CSMD1: variants seen among roughly 807,000 people sequenced by gnomAD.
CSMD1 encodes CUB and sushi domain-containing protein 1.
CSMD1 carries 213 observed loss-of-function variants against 417.5 expected under a neutral mutation model. The observed-to-expected ratio is 0.51, with a 90% CI of 0.46 to 0.57. The LOEUF is 0.57. Ranked by LOEUF, CSMD1 falls within the 20% of genes least tolerant of loss-of-function variation. CSMD1 has a pLI of 0.00. For synonymous variants in CSMD1, 2,862 were observed against 1,736.8 expected (o/e 1.65, Z -16.11); for missense variants, 6,923 against 4,529.7 (o/e 1.53, Z -15.17).
At chr8:3,325,522 T>C (rs1806468238) in intron 23 of CSMD1, among the ~76,000 whole-genome samples, 1 of 152,176 alleles carries the variant, frequency 6.6e-6, no homozygotes, top group Non-Finnish European at 1.5e-5. Flanking sequence ...TTCCACTTGA[T>C]GAAAGTAAAT....
At chr8:4,529,763 G>T (rs1323313887) in intron 2 of CSMD1, among the ~76,000 whole-genome samples, 2 of 151,840 alleles carry the variant, frequency 1.3e-5, no homozygotes, top group Non-Finnish European at 2.9e-5. Context: ...GGTCCTGACA[G>T]CAAAAGTTTC....
intron 5 of CSMD1, among the ~76,000 whole-genome samples, chr8:3,963,914 C>G (rs1812501063): frequency 6.6e-6 from 1 of 152,048 alleles, no homozygotes; most frequent in Non-Finnish European, 1.5e-5. Flanking sequence ...TCATTGTATC[C>G]CAAATTTCCT....
At chr8:4,507,460 G>C (rs1052078944) in intron 2 of CSMD1, among the ~76,000 whole-genome samples, 1 of 152,046 alleles carries the variant, frequency 6.6e-6, no homozygotes, top group Admixed American at 6.6e-5. Flanking sequence ...CCTTATCTCT[G>C]GCTATTGATT....
chr8:4,353,575 A>C (rs1379226148), intron 3 of CSMD1, among the ~76,000 whole-genome samples: 1 of 152,066 alleles, frequency 6.6e-6, no homozygotes, highest in Non-Finnish European at 1.5e-5. Context: ...AATAAAGCCC[A>C]AAGTAGCATA....
In CSMD1 at chr8:3,739,543, G is replaced by GA. The variant is rs375620752; in HGVS notation, c.931+14386dup. On this transcript the variant is annotated intron_variant, in intron 6 of 69. Coordinates refer to ENST00000635120, the MANE Select transcript of CSMD1 (RefSeq NM_033225.6). ...TATGTATAATTATTACACGTCAATT[G>GA]AAAAAAAGGGAAAACTGATTAAATC... 3.9e-3 allele frequency among the ~76,000 whole-genome samples: 596 copies of GA among 151,886 alleles called. 5 individuals are homozygous for GA. The highest frequency in any genetic ancestry group is 0.014 in the African/African-American group (570 of 41,438).
Position 3,027,725 on chromosome 8 carries a change from G to A in CSMD1, c.7855+1594C>T, listed in dbSNP as rs920942762. ...TGTGTGGGGGTTGTGACTGGACCCC[G>A]CTCCGTGTCAGAAACACCAGAATAC... On this transcript the variant is annotated intron_variant, in intron 51 of 69. Coordinates refer to ENST00000635120, the MANE Select transcript of CSMD1 (RefSeq NM_033225.6). 2.0e-5 allele frequency among the ~76,000 whole-genome samples: 3 copies of A among 152,254 alleles called. No homozygotes were observed. In the South Asian group the frequency reaches 6.2e-4, roughly 32 times the overall value.
intron 39 of CSMD1, among the ~76,000 whole-genome samples, chr8:3,156,680 G>C (rs900636524): frequency 6.6e-6 from 1 of 151,976 alleles, no homozygotes; most frequent in Non-Finnish European, 1.5e-5. Flanking sequence ...TAAAAAGAAA[G>C]GCAGAAAATC....
intron 2 of CSMD1, among the ~76,000 whole-genome samples, chr8:4,534,993 C>G (rs1425626424): frequency 1.3e-5 from 2 of 152,032 alleles, no homozygotes; most frequent in Non-Finnish European, 1.5e-5. Context: ...GATTTCCTGA[C>G]CTCGTGATCT....
intron 5 of CSMD1, among the ~76,000 whole-genome samples, chr8:3,817,128 T>A (rs1801416000): frequency 1.3e-5 from 2 of 151,958 alleles, no homozygotes; most frequent in Non-Finnish European, 2.9e-5. Flanking sequence ...AGAGAGCTCT[T>A]CATGATGAAG....
intron 6 of CSMD1, among the ~76,000 whole-genome samples, chr8:3,718,134 G>A (rs967196510): frequency 5.3e-5 from 8 of 152,054 alleles, no homozygotes; most frequent in Admixed American, 6.5e-5. Flanking sequence ...ATCATTCTTT[G>A]GGATAAATCT....
At chr8:4,807,237 C>T (rs1212010435) in intron 1 of CSMD1, among the ~76,000 whole-genome samples, 1 of 152,176 alleles carries the variant, frequency 6.6e-6, no homozygotes, top group African/African-American at 2.4e-5. Context: ...GGTTCGGCAG[C>T]TTCTCCCACA....
chr8:3,411,912 A>G (rs1812772061), intron 12 of CSMD1, among the ~76,000 whole-genome samples: 1 of 136,450 alleles, frequency 7.3e-6, no homozygotes, highest in Non-Finnish European at 1.6e-5. Flanking sequence ...ATATACACGT[A>G]TATATGCACG....
intron 5 of CSMD1, among the ~76,000 whole-genome samples, chr8:3,761,720 G>A (rs1798013195): frequency 6.6e-6 from 1 of 151,970 alleles, no homozygotes; most frequent in Admixed American, 6.6e-5. Flanking sequence ...TGGCCAGGCT[G>A]GTCTCGAACT....
At chr8:3,303,256 G>C (rs957577898) in intron 25 of CSMD1, among the ~76,000 whole-genome samples, 2 of 150,236 alleles carry the variant, frequency 1.3e-5, no homozygotes, top group Admixed American at 6.6e-5. Context: ...TAAATGTATA[G>C]TTTTCTCTTA....
intron 26 of CSMD1, among the ~76,000 whole-genome samples, chr8:3,240,111 C>G (rs1799401666): frequency 6.6e-6 from 1 of 152,088 alleles, no homozygotes; most frequent in Non-Finnish European, 1.5e-5. Flanking sequence ...GACTTGAGGG[C>G]TAGGCAAAAC....
chr8:4,570,424 T>A (rs192864676), intron 2 of CSMD1, among the ~76,000 whole-genome samples: 2 of 152,338 alleles, frequency 1.3e-5, no homozygotes, highest in Admixed American at 6.5e-5. Context: ...TCTGTTTATG[T>A]GATGGATTAC....
intron 5 of CSMD1, among the ~76,000 whole-genome samples, chr8:3,785,586 T>G (rs1018047788): frequency 6.6e-6 from 1 of 152,238 alleles, no homozygotes; most frequent in Non-Finnish European, 1.5e-5. Context: ...AACACTTAAT[T>G]GGATCATTTG....
chr8:3,456,200 G>A (rs1208887678), intron 12 of CSMD1, among the ~76,000 whole-genome samples: 1 of 152,166 alleles, frequency 6.6e-6, no homozygotes. Context: ...TTTTCCAGGT[G>A]CCGTCTGTCA....
chr8:2,991,443 A>G (rs997901347), intron 54 of CSMD1, among the ~76,000 whole-genome samples: 2 of 152,238 alleles, frequency 1.3e-5, no homozygotes, highest in African/African-American at 4.8e-5. Flanking sequence ...ATTCATCAAA[A>G]TGAAACCAGA....
Sources: allele counts gnomAD v4.1 joint callset (sites outside exome capture counted in the v4.1 genomes callset), GRCh38; gene constraint gnomAD v4.1.1; transcripts MANE v1.5; gene names NCBI Gene and HGNC (gene_info 2026-07-23, HGNC 2026-07-21).